LRMDA: variants seen among roughly 807,000 people sequenced by gnomAD.
LRMDA encodes the protein leucine-rich melanocyte differentiation-associated protein.
LRMDA carries 18 observed loss-of-function variants against 29.8 expected under a neutral mutation model. That is an observed-to-expected ratio of 0.60 (90% confidence interval 0.42 to 0.90). The LOEUF (loss-of-function observed/expected upper bound fraction) is 0.90, where lower values mean the gene tolerates loss of function less well. LRMDA is among the 40% of genes least tolerant of loss of function. The pLI is 0.00. For synonymous variants in LRMDA, 125 were observed against 109.4 expected (o/e 1.14, Z -0.89); for missense variants, 273 against 273.9 (o/e 1.00, Z 0.02).
intron 5 of LRMDA, among the ~76,000 whole-genome samples, chr10:76,309,664 G>T (rs975043384): frequency 5.3e-5 from 8 of 152,144 alleles, no homozygotes; most frequent in African/African-American, 1.9e-4. Context: ...CAGTCCAGCA[G>T]AGAGATTTTA....
At chr10:75,557,904 T>C (rs1840235260) in intron 2 of LRMDA, among the ~76,000 whole-genome samples, 3 of 152,188 alleles carry the variant, frequency 2.0e-5, no homozygotes, top group Admixed American at 1.3e-4. Context: ...ATGTGTCCTT[T>C]CAGACTGATA....
intron 5 of LRMDA, among the ~76,000 whole-genome samples, chr10:76,126,532 G>T (rs1052018251): frequency 1.3e-5 from 2 of 152,142 alleles, no homozygotes; most frequent in African/African-American, 4.8e-5. Flanking sequence ...TCCTGCTGGG[G>T]TCTTTCATCC....
At chr10:75,867,449 C>G (rs1479636896) in intron 2 of LRMDA, among the ~76,000 whole-genome samples, 1 of 152,210 alleles carries the variant, frequency 6.6e-6, no homozygotes, top group Non-Finnish European at 1.5e-5. Flanking sequence ...GCATGAGCCA[C>G]CGCACCCAGC....
chr10:76,129,116 A>G (rs1008686000), intron 5 of LRMDA, among the ~76,000 whole-genome samples: 4 of 152,150 alleles, frequency 2.6e-5, no homozygotes, highest in Non-Finnish European at 5.9e-5. Context: ...TTTATTCTCA[A>G]GCATCATTCC....
chr10:76,048,902 A>G (rs1848485550), intron 4 of LRMDA, among the ~76,000 whole-genome samples: 1 of 152,044 alleles, frequency 6.6e-6, no homozygotes, highest in Admixed American at 6.6e-5. Flanking sequence ...GTAGTGCTGG[A>G]TATGAAAAAA....
intron 4 of LRMDA, among the ~76,000 whole-genome samples, chr10:76,056,433 T>A (rs1458386095): frequency 6.6e-6 from 1 of 152,218 alleles, no homozygotes; most frequent in South Asian, 2.1e-4. Context: ...CCTTTCCACC[T>A]AGGAGCCTGT....
At chr10:75,950,288 A>G (rs551671123) in intron 2 of LRMDA, among the ~76,000 whole-genome samples, 6 of 152,112 alleles carry the variant, frequency 3.9e-5, no homozygotes, top group South Asian at 2.1e-4. Flanking sequence ...TCCTCCCTCA[A>G]TGTTTGCAAT....
intron 2 of LRMDA, 98 bp from the exon 3 acceptor site, chr10:76,035,910 C>T (rs1022548995): frequency 7.3e-7 from 1 of 1,375,484 alleles, no homozygotes; most frequent in Non-Finnish European, 9.7e-7. Flanking sequence ...CAAACTATTC[C>T]CAGTCCTGAA....
rs3042545 is a variant in LRMDA at position 76,044,439 on chromosome 10, GTTTT to G, written c.259-2711_259-2708del. ...TACTAGCAATGAGACTTTTTTCTTT[GTTTT>G]TTTTTTTTTTTTTCTTTTGTTGTTG... On this transcript the variant is annotated intron_variant, in intron 3 of 6. Coordinates refer to ENST00000611255, the MANE Select transcript of LRMDA (RefSeq NM_001305581.2). Among the ~76,000 whole-genome samples, 362 of 136,996 alleles carry G rather than the reference GTTTT, an allele frequency of 2.6e-3. 3 individuals are homozygous for G. Among genetic ancestry groups the G allele is most frequent in the African/African-American group, 4.8e-3 (179 of 37,370 alleles). 89.9% of individuals were successfully genotyped at this position (136,996 alleles called of 152,430 possible).
At chr10:76,515,697 A>C (rs2132355836) in intron 6 of LRMDA, among the ~76,000 whole-genome samples, 1 of 152,164 alleles carries the variant, frequency 6.6e-6, no homozygotes, top group Admixed American at 6.6e-5. Flanking sequence ...GTAGAGACAT[A>C]GTTTTTCCTG....
At chr10:75,924,335 A>G (rs1179337684) in intron 2 of LRMDA, among the ~76,000 whole-genome samples, 1 of 152,206 alleles carries the variant, frequency 6.6e-6, no homozygotes, top group Non-Finnish European at 1.5e-5. Flanking sequence ...GTAAATTTAC[A>G]TGGTTTGGTA....
intron 5 of LRMDA, among the ~76,000 whole-genome samples, chr10:76,208,947 A>C (rs140324256): frequency 0.013 from 1,917 of 152,186 alleles, 47 homozygotes; most frequent in African/African-American, 0.041. Flanking sequence ...TGAGGTCAGG[A>C]GTTCAAGACC....
intron 2 of LRMDA, among the ~76,000 whole-genome samples, chr10:75,518,850 T>C (rs1845325395): frequency 2.0e-5 from 3 of 152,250 alleles, no homozygotes; most frequent in African/African-American, 7.2e-5. Flanking sequence ...GTGCTATAAA[T>C]TTCCCTCTAC....
At chr10:76,331,642 T>C (rs1365268728) in intron 6 of LRMDA, among the ~76,000 whole-genome samples, 4 of 152,248 alleles carry the variant, frequency 2.6e-5, no homozygotes, top group Admixed American at 2.6e-4. Flanking sequence ...TTGGCTTGTA[T>C]CTTTTAGACT....
intron 6 of LRMDA, chr10:76,346,552 A>AG (rs1348040713): frequency 1.3e-5 from 2 of 152,206 alleles, no homozygotes; most frequent in Non-Finnish European, 1.5e-5. Context: ...AAAAATATAG[A>AG]GGTACGTGCA....
chr10:76,065,519 C>T (rs1205269515), intron 5 of LRMDA, among the ~76,000 whole-genome samples: 2 of 152,214 alleles, frequency 1.3e-5, no homozygotes, highest in Non-Finnish European at 2.9e-5. Context: ...TCCCCAATGG[C>T]CCAGCTTCAC....
At chr10:75,727,689 TG>T (rs1842646871) in intron 2 of LRMDA, among the ~76,000 whole-genome samples, 1 of 152,256 alleles carries the variant, frequency 6.6e-6, no homozygotes, top group Admixed American at 6.5e-5. Flanking sequence ...GATGATAATC[TG>T]TGGGTATTTC....
rs150424643 is a variant in LRMDA, at chr10:76,284,272, C to T, written c.517-40129C>T. ...CCAGGTGGGCCTGAGGTAAGCACAA[C>T]GGTTCCGAAGAGGACTCAGGGAAGT... On this transcript the variant is annotated intron_variant, in intron 5 of 6. Transcript: ENST00000611255. 1.5e-4 allele frequency among the ~76,000 whole-genome samples: 23 copies of T among 152,190 alleles called. 1 individual carries two copies. Among genetic ancestry groups the T allele is most frequent in the South Asian group, 2.1e-4 (1 of 4,816 alleles).
chr10:76,112,448 G>C (rs1003705845), intron 5 of LRMDA, among the ~76,000 whole-genome samples: 12 of 152,206 alleles, frequency 7.9e-5, no homozygotes, highest in Admixed American at 2.0e-4. Context: ...ATTAGCATCA[G>C]GGTTCCGCTC....
Sources: allele counts gnomAD v4.1 joint callset (sites outside exome capture counted in the v4.1 genomes callset), GRCh38; gene constraint gnomAD v4.1.1; transcripts MANE v1.5; gene names NCBI Gene and HGNC (gene_info 2026-07-23, HGNC 2026-07-21).